The following CBFA2T2 variants were observed in gnomAD, a reference collection of about 807,000 sequenced individuals.
The protein encoded by CBFA2T2 is protein CBFA2T2.
In CBFA2T2, 11 loss-of-function variants were observed where a neutral mutation model predicts 62.2. The observed-to-expected ratio is 0.18, with a 90% CI of 0.11 to 0.29. The LOEUF is 0.29. Among genes scored for constraint, CBFA2T2 ranks in the 10% least tolerant of loss-of-function variants. The pLI, the probability that CBFA2T2 is intolerant of heterozygous loss-of-function variation, is 1.00. For synonymous variants in CBFA2T2, 295 were observed against 287.5 expected (o/e 1.03, Z -0.27); for missense variants, 592 against 774.1 (o/e 0.76, Z 2.79).
At chr20:33,614,051 C>T (rs917956586) in intron 3 of CBFA2T2, among the ~76,000 whole-genome samples, 1 of 151,274 alleles carries the variant, frequency 6.6e-6, no homozygotes, top group Non-Finnish European at 1.5e-5. Context: ...GGGCGTGGAG[C>T]TTGCAGTGAG....
At chr20:33,551,795 G>A (rs911676415) in intron 1 of CBFA2T2, among the ~76,000 whole-genome samples, 6 of 152,188 alleles carry the variant, frequency 3.9e-5, no homozygotes, top group African/African-American at 1.4e-4. Flanking sequence ...GCTTCCCAAA[G>A]TGCTGGGATT....
Position 33,624,867 on chromosome 20 carries a change from G to A in CBFA2T2, c.796G>A (p.Val266Met). The change falls in exon 6 of 11, where the codon GTG (valine) becomes ATG (methionine). Residue 266 changes from valine to methionine, a missense_variant. By Grantham distance (21) the Val-to-Met change is conservative. Coordinates refer to ENST00000342704, the MANE Select transcript of CBFA2T2 (RefSeq NM_001032999.3). ...PAPRHSPALTVPLMNPGGQFH... is the reference protein window; with the variant it reads ...PAPRHSPALTMPLMNPGGQFH... ...TCCTCGGCACAGTCCTGCTCTCACTGTGCCCCTCATGAATCCCGGGGGCCA... is the reference window on the plus strand; with the variant it reads ...TCCTCGGCACAGTCCTGCTCTCACTATGCCCCTCATGAATCCCGGGGGCCA... 6.2e-7 allele frequency: 1 copy of A among 1,614,106 alleles called. No individual in the cohort carries two copies. Among genetic ancestry groups the A allele is most frequent in the Non-Finnish European group, 8.5e-7 (1 of 1,180,030 alleles).
intron 8 of CBFA2T2, among the ~76,000 whole-genome samples, chr20:33,635,353 T>C (rs1160225876): frequency 1.3e-5 from 2 of 151,832 alleles, no homozygotes; most frequent in Non-Finnish European, 2.9e-5. Context: ...AACCAGAAAA[T>C]GGGAGACACT....
intron 1 of CBFA2T2, among the ~76,000 whole-genome samples, chr20:33,554,255 CTTTTTTT>C (rs760696196): frequency 2.3e-5 from 3 of 131,980 alleles, no homozygotes; most frequent in Non-Finnish European, 5.0e-5. Flanking sequence ...TTACTTTTTT[CTTTTTTT>C]TTTTTTTTTT....
chr20:33,586,328 G>T (rs2014368748), intron 1 of CBFA2T2, among the ~76,000 whole-genome samples: 1 of 152,056 alleles, frequency 6.6e-6, no homozygotes. Context: ...ACAGGGACGG[G>T]GTTTCACTGT....
intron 1 of CBFA2T2, among the ~76,000 whole-genome samples, chr20:33,531,567 C>T (rs1348462985): frequency 3.3e-5 from 5 of 152,214 alleles, no homozygotes; most frequent in Non-Finnish European, 7.3e-5. Context: ...TGTGGTCACA[C>T]TGGACCTGAT....
At chr20:33,525,716 G>C (rs1568800475) in intron 1 of CBFA2T2, among the ~76,000 whole-genome samples, 2 of 152,062 alleles carry the variant, frequency 1.3e-5, no homozygotes, top group Non-Finnish European at 2.9e-5. Flanking sequence ...CAGTGGTACA[G>C]TCACAGCTCA....
chr20:33,567,901 C>T (rs2013405505), intron 1 of CBFA2T2, among the ~76,000 whole-genome samples: 1 of 152,034 alleles, frequency 6.6e-6, no homozygotes, highest in Admixed American at 6.6e-5. Context: ...TAAACTTTAT[C>T]GTAGGTATGT....
chr20:33,636,506 C>T, intron 8 of CBFA2T2, 134 bp from the exon 9 acceptor site: 1 of 612,026 alleles, frequency 1.6e-6, no homozygotes, highest in Non-Finnish European at 2.9e-6. Flanking sequence ...GGTTTTTAGC[C>T]CTTATATGAG....
intron 1 of CBFA2T2, 30 bp from the exon 2 acceptor site, chr20:33,606,926 C>G (rs776658259): frequency 6.2e-7 from 1 of 1,604,912 alleles, no homozygotes; most frequent in East Asian, 2.2e-5. Flanking sequence ...TTTAGAAAAC[C>G]CTAACCTCCA....
chr20:33,593,762 G>C (rs1359952106), intron 1 of CBFA2T2, among the ~76,000 whole-genome samples: 1 of 144,222 alleles, frequency 6.9e-6, no homozygotes, highest in African/African-American at 2.7e-5. Context: ...TGTAATCTCT[G>C]TAAAAAGCTA....
chr20:33,624,795 A>C lies in CBFA2T2; in HGVS notation c.724A>C (p.Ile242Leu), dbSNP rs140571621. Reference protein sequence around the residue: ...REENSFDRDTIAPEPPAKRVC... With the variant: ...REENSFDRDTLAPEPPAKRVC... ...AGAGAATAGTTTTGATAGAGACACAATTGCTCCTGAGCCTCCTGCCAAGAG... is the reference window on the plus strand; with the variant it reads ...AGAGAATAGTTTTGATAGAGACACACTTGCTCCTGAGCCTCCTGCCAAGAG... Residue 242 changes from isoleucine to leucine, a missense_variant, in exon 6 of 11, where the codon ATT becomes CTT. Transcript: ENST00000342704. 1 of 1,613,984 alleles carries C rather than the reference A, an allele frequency of 6.2e-7. No individual in the cohort carries two copies. The highest frequency in any genetic ancestry group is 8.5e-7 in the Non-Finnish European group (1 of 1,180,010).
At chr20:33,499,899 A>G (rs1373140436) in intron 1 of CBFA2T2, among the ~76,000 whole-genome samples, 1 of 152,124 alleles carries the variant, frequency 6.6e-6, no homozygotes, top group Non-Finnish European at 1.5e-5. Context: ...CACTCTTCCT[A>G]ACTAGTTTAA....
At chr20:33,555,575 T>G (rs1417246768) in intron 1 of CBFA2T2, among the ~76,000 whole-genome samples, 3 of 152,232 alleles carry the variant, frequency 2.0e-5, no homozygotes, top group African/African-American at 7.2e-5. Flanking sequence ...CCTGAACCAC[T>G]CTGAAAGTGG....
At chr20:33,523,925 C>T (rs1032324261) in intron 1 of CBFA2T2, among the ~76,000 whole-genome samples, 11 of 152,030 alleles carry the variant, frequency 7.2e-5, no homozygotes, top group Non-Finnish European at 1.3e-4. Flanking sequence ...CTGAGGTGAT[C>T]CGCCCGCCTC....
intron 1 of CBFA2T2, among the ~76,000 whole-genome samples, chr20:33,582,389 G>A (rs1446562226): frequency 6.6e-6 from 1 of 152,094 alleles, no homozygotes; most frequent in Non-Finnish European, 1.5e-5. Flanking sequence ...TTGGGAGGCT[G>A]AGGCAGGATA....
At chr20:33,631,335 C>T (rs77794232) in intron 8 of CBFA2T2, among the ~76,000 whole-genome samples, 3,608 of 152,208 alleles carry the variant, frequency 0.024, 66 homozygotes, top group Non-Finnish European at 0.032. Context: ...CAAAAAACTC[C>T]AAAAACAGAC....
intron 1 of CBFA2T2, among the ~76,000 whole-genome samples, chr20:33,553,776 T>C (rs1468444136): frequency 6.6e-6 from 1 of 152,236 alleles, no homozygotes; most frequent in Admixed American, 6.5e-5. Flanking sequence ...GCCCTTGTTA[T>C]GCAATCTTGC....
chr20:33,597,863 G>A (rs1323441040), intron 1 of CBFA2T2, among the ~76,000 whole-genome samples: 2 of 152,258 alleles, frequency 1.3e-5, no homozygotes, highest in Admixed American at 6.5e-5. Context: ...CAATATTCAC[G>A]TAGGTTCTTT....
Sources: gnomAD v4.1 joint callset for allele counts (sites outside exome capture counted in the v4.1 genomes callset) on GRCh38, gnomAD v4.1.1 for gene constraint, MANE v1.5 for transcripts, NCBI Gene and HGNC (gene_info 2026-07-23, HGNC 2026-07-21) for gene names.